RORA: variants seen among roughly 807,000 people sequenced by gnomAD.
RORA encodes the protein nuclear receptor ROR-alpha.
RORA carries 7 observed loss-of-function variants against 69.5 expected under a neutral mutation model. The observed-to-expected ratio is 0.10, with a 90% CI of 0.06 to 0.19. The LOEUF (loss-of-function observed/expected upper bound fraction) is 0.19, where lower values mean the gene tolerates loss of function less well. RORA is among the 10% of genes least tolerant of loss of function. The pLI is 1.00. For synonymous variants in RORA, 261 were observed against 240.8 expected (o/e 1.08, Z -0.78); for missense variants, 457 against 663.0 (o/e 0.69, Z 3.41).
intron 1 of RORA, among the ~76,000 whole-genome samples, chr15:61,098,275 C>CCCTCCTTCCCTT (rs149085136): frequency 0.073 from 10,343 of 141,930 alleles, 438 homozygotes; most frequent in Middle Eastern, 0.11. Flanking sequence ...CTCCCTTCTT[C>CCCTCCTTCCCTT]CCTCCTTCCC....
chr15:60,908,863 T>A (rs1446627049), intron 1 of RORA, among the ~76,000 whole-genome samples: 4 of 152,020 alleles, frequency 2.6e-5, no homozygotes, highest in Admixed American at 2.6e-4. Context: ...TTTACTTTAT[T>A]TTTATTTCAT....
At chr15:60,894,853 C>T (rs145368952) in intron 1 of RORA, among the ~76,000 whole-genome samples, 7 of 152,272 alleles carry the variant, frequency 4.6e-5, no homozygotes, top group Non-Finnish European at 1.0e-4. Context: ...TGAGGTGCAA[C>T]TTAAACATCC....
At chr15:60,654,980 G>C (rs1284096293) in intron 2 of RORA, among the ~76,000 whole-genome samples, 2 of 152,122 alleles carry the variant, frequency 1.3e-5, no homozygotes, top group Non-Finnish European at 2.9e-5. Context: ...TCCCGAGTTT[G>C]TGGTATTTTG....
chr15:60,789,923 G>C (rs2072391528), intron 1 of RORA, among the ~76,000 whole-genome samples: 1 of 152,170 alleles, frequency 6.6e-6, no homozygotes, highest in South Asian at 2.1e-4. Context: ...TCTGTGATAG[G>C]CACAGCCAAA....
At chr15:61,142,924 A>G (rs2079313911) in intron 1 of RORA, among the ~76,000 whole-genome samples, 1 of 152,192 alleles carries the variant, frequency 6.6e-6, no homozygotes, top group African/African-American at 2.4e-5. Flanking sequence ...ACTAAATGAT[A>G]CCCTAAGAGG....
chr15:60,751,460 C>T (rs968588174), intron 1 of RORA, among the ~76,000 whole-genome samples: 4 of 152,096 alleles, frequency 2.6e-5, no homozygotes, highest in Non-Finnish European at 4.4e-5. Context: ...GTAGACCAGG[C>T]GCTATGCCAA....
chr15:60,517,354 G>C lies in RORA; in HGVS notation c.283-2597C>G, dbSNP rs529938686. Among the ~76,000 whole-genome samples, 10 of 152,200 alleles carry C rather than the reference G, an allele frequency of 6.6e-5. No individual in the cohort carries two copies. In the East Asian group the frequency reaches 9.7e-4, roughly 15 times the overall value. On this transcript the variant is annotated intron_variant, in intron 3 of 10. Coordinates refer to ENST00000335670, the MANE Select transcript of RORA (RefSeq NM_134261.3). ...AACCTTGACATGGGCAAGGCTGGGG[G>C]CCTCATGTCTCAGACTGTCTCTCTG...
chr15:60,856,937 A>G (rs933908688), intron 1 of RORA, among the ~76,000 whole-genome samples: 2 of 152,224 alleles, frequency 1.3e-5, no homozygotes, highest in African/African-American at 4.8e-5. Flanking sequence ...AGGATGAGGA[A>G]TAATGGGAGA....
chr15:61,226,977 G>A lies in RORA; in HGVS notation c.166+2076C>T, dbSNP rs1214938345. On this transcript the variant is annotated intron_variant, in intron 1 of 10. Transcript: ENST00000335670. The surrounding 1 kb of genome is among the most constrained non-coding windows in gnomAD (Gnocchi z 4.2). ...CTCTCCCCTTTTTGCTGAGCCTAAG[G>A]GGGCTGGTGGCACTGAATGCTCCGG... Among the ~76,000 whole-genome samples, 4 of 152,074 alleles carry A rather than the reference G, an allele frequency of 2.6e-5. No individual in the cohort carries two copies. The highest frequency in any genetic ancestry group is 9.7e-5 in the African/African-American group (4 of 41,410).
chr15:61,199,721 T>A (rs974737687), intron 1 of RORA, among the ~76,000 whole-genome samples: 7 of 152,138 alleles, frequency 4.6e-5, no homozygotes, highest in African/African-American at 1.7e-4. Flanking sequence ...ACTGAGATGT[T>A]ATGGGAAGGG....
intron 1 of RORA, among the ~76,000 whole-genome samples, chr15:60,679,734 T>C (rs1034717697): frequency 5.3e-5 from 8 of 152,138 alleles, no homozygotes; most frequent in African/African-American, 1.9e-4. Context: ...GGAAGAAATC[T>C]GTTGTGAAAA....
chr15:60,781,149 T>A (rs2072247127), intron 1 of RORA, among the ~76,000 whole-genome samples: 1 of 152,280 alleles, frequency 6.6e-6, no homozygotes, highest in African/African-American at 2.4e-5. Context: ...ATAGAAGGTA[T>A]GCTGAGGCTG....
At chr15:60,616,053 A>C (rs1012780630) in intron 2 of RORA, among the ~76,000 whole-genome samples, 6 of 152,194 alleles carry the variant, frequency 3.9e-5, no homozygotes, top group African/African-American at 9.7e-5. Flanking sequence ...TATAAAACTC[A>C]ATGTGAAGAG....
intron 1 of RORA, among the ~76,000 whole-genome samples, chr15:60,714,218 A>C (rs1190590339): frequency 6.7e-6 from 1 of 149,064 alleles, no homozygotes; most frequent in Non-Finnish European, 1.5e-5. Context: ...CATGCCCAGC[A>C]AATTTCTTTT....
chr15:60,969,528 G>A (rs1301666797), intron 1 of RORA, among the ~76,000 whole-genome samples: 1 of 152,194 alleles, frequency 6.6e-6, no homozygotes, highest in Non-Finnish European at 1.5e-5. Context: ...GCAACATGCA[G>A]CAGCCTCAGG....
chr15:61,035,140 T>C (rs1896389685), intron 1 of RORA, among the ~76,000 whole-genome samples: 1 of 152,250 alleles, frequency 6.6e-6, no homozygotes, highest in Admixed American at 6.5e-5. Flanking sequence ...ATGCTTACTG[T>C]GTTCTGTTAA....
At chr15:61,146,109 T>G (rs1019289933) in intron 1 of RORA, among the ~76,000 whole-genome samples, 26 of 152,224 alleles carry the variant, frequency 1.7e-4, no homozygotes, top group African/African-American at 6.3e-4. Context: ...AAATCCTTTT[T>G]ACAATATTTT....
At chr15:60,645,902 A>G (rs2070035226) in intron 2 of RORA, among the ~76,000 whole-genome samples, 1 of 152,024 alleles carries the variant, frequency 6.6e-6, no homozygotes, top group African/African-American at 2.4e-5. Flanking sequence ...ACGCATATAC[A>G]CACTTCTCTA....
intron 1 of RORA, among the ~76,000 whole-genome samples, chr15:61,036,713 C>G (rs1054760308): frequency 7.0e-6 from 1 of 142,392 alleles, no homozygotes; most frequent in Non-Finnish European, 1.6e-5. Context: ...AACAAAAATC[C>G]AAAAGACTTG....
Sources: allele counts gnomAD v4.1 joint callset (sites outside exome capture counted in the v4.1 genomes callset), GRCh38; gene constraint gnomAD v4.1.1; non-coding constraint Gnocchi (gnomAD v3.1); transcripts MANE v1.5; gene names NCBI Gene and HGNC (gene_info 2026-07-23, HGNC 2026-07-21).